Variants in PCDHGB1 observed in about 807,000 individuals in gnomAD.
PCDHGB1 encodes protocadherin gamma subfamily B, 1.
In PCDHGB1, 34 loss-of-function variants were observed where a neutral mutation model predicts 56.6. The observed-to-expected ratio is 0.60, with a 90% CI of 0.46 to 0.80. The LOEUF is 0.80. Among genes scored for constraint, PCDHGB1 ranks in the 30% least tolerant of loss-of-function variants. The probability of loss-of-function intolerance (pLI) is 0.00; values close to 1 mark genes in which losing one functional copy is unlikely to be tolerated. For missense variants in PCDHGB1, 1,278 were observed against 1,204.6 expected, an observed-to-expected ratio of 1.06 and a Z score of -0.90; for synonymous variants, 561 against 505.9, an observed-to-expected ratio of 1.11 and a Z score of -1.46.
intron 1 of PCDHGB1, among the ~76,000 whole-genome samples, chr5:141,455,253 C>T (rs187877877): frequency 6.6e-6 from 1 of 151,986 alleles, no homozygotes; most frequent in East Asian, 1.9e-4. Flanking sequence ...ATAGTACAAT[C>T]GCATTTCTTC....
intron 2 of PCDHGB1, among the ~76,000 whole-genome samples, chr5:141,499,885 G>A (rs945162089): frequency 2.6e-5 from 4 of 151,850 alleles, no homozygotes; most frequent in Non-Finnish European, 4.4e-5. Flanking sequence ...ACAGGGTTTC[G>A]CCATGTTGGC....
chr5:141,427,742 C>T, intron 1 of PCDHGB1: 2 of 1,247,208 alleles, frequency 1.6e-6, no homozygotes, highest in Non-Finnish European at 2.3e-6. Context: ...GCCAAGTCTC[C>T]TACTCCATCG....
chr5:141,360,186 G>A, intron 1 of PCDHGB1: 2 of 1,611,332 alleles, frequency 1.2e-6, no homozygotes, highest in Admixed American at 3.4e-5. Flanking sequence ...TGCAGGTACT[G>A]TTGCCCTTCC....
intron 1 of PCDHGB1, chr5:141,421,025 A>G: frequency 5.7e-6 from 3 of 526,286 alleles, no homozygotes; most frequent in East Asian, 3.2e-5. Context: ...GCTGCGCGCC[A>G]TTGAGTCCCT....
chr5:141,482,109 C>G (rs972542276), intron 1 of PCDHGB1, among the ~76,000 whole-genome samples: 2 of 149,582 alleles, frequency 1.3e-5, no homozygotes, highest in African/African-American at 2.5e-5. Context: ...AAAAAAATAT[C>G]TAGAGATGGG....
At chr5:141,390,407 G>A in intron 1 of PCDHGB1, 1 of 1,265,446 alleles carries the variant, frequency 7.9e-7, no homozygotes, top group Non-Finnish European at 1.1e-6. Flanking sequence ...TAGGAAAGTT[G>A]TAGTCAGTTA....
intron 1 of PCDHGB1, chr5:141,415,428 G>C (rs948747218): frequency 1.2e-6 from 2 of 1,614,088 alleles, no homozygotes; most frequent in Non-Finnish European, 1.7e-6. Context: ...ACGGGGTTCG[G>C]GCTTTCCTGC....
At chr5:141,440,982 A>G (rs940098060) in intron 1 of PCDHGB1, 4 of 152,234 alleles carry the variant, frequency 2.6e-5, no homozygotes, top group Non-Finnish European at 5.9e-5. Context: ...TTCACAACCC[A>G]GAGTACCCAT....
chr5:141,433,357 G>GCCTA, intron 1 of PCDHGB1: 1 of 569,056 alleles, frequency 1.8e-6, no homozygotes, highest in Non-Finnish European at 3.1e-6. Context: ...CCTACTGTCT[G>GCCTA]CCTATCTATC....
At chr5:141,366,854 C>T (rs1018356495) in intron 1 of PCDHGB1, 3 of 1,453,352 alleles carry the variant, frequency 2.1e-6, no homozygotes, top group Non-Finnish European at 2.8e-6. Flanking sequence ...AATAGTGGAA[C>T]ATTATTTGCT....
intron 1 of PCDHGB1, chr5:141,385,087 G>C: frequency 6.2e-7 from 1 of 1,614,234 alleles, no homozygotes; most frequent in Non-Finnish European, 8.5e-7. Flanking sequence ...GGCTTCAGAA[G>C]GTGGCTTGGC....
chr5:141,510,910 A>C (rs780792326), intron 3 of PCDHGB1, 37 bp from the exon 4 acceptor site: 4 of 1,613,740 alleles, frequency 2.5e-6, no homozygotes, highest in Admixed American at 3.3e-5. Flanking sequence ...GAGGACCCTA[A>C]GTTTAGCTCC....
At chr5:141,451,807 G>A (rs896081470) in intron 1 of PCDHGB1, among the ~76,000 whole-genome samples, 5 of 150,778 alleles carry the variant, frequency 3.3e-5, no homozygotes, top group African/African-American at 1.2e-4. Flanking sequence ...CTTGAACCCA[G>A]GAGGCGGAGG....
At chr5:141,404,615 C>T in intron 1 of PCDHGB1, 5 of 1,614,122 alleles carry the variant, frequency 3.1e-6, no homozygotes, top group Non-Finnish European at 4.2e-6. Flanking sequence ...TGTTTTGGAC[C>T]AGAATGACAA....
intron 1 of PCDHGB1, chr5:141,360,857 T>C (rs765284863): frequency 6.2e-7 from 1 of 1,613,894 alleles, no homozygotes; most frequent in Non-Finnish European, 8.5e-7. Flanking sequence ...AACCCTCCAG[T>C]GTTCAGCCAG....
At chr5:141,501,755 G>C (rs2099810889) in intron 2 of PCDHGB1, among the ~76,000 whole-genome samples, 1 of 152,116 alleles carries the variant, frequency 6.6e-6, no homozygotes, top group Non-Finnish European at 1.5e-5. Context: ...GAAGCTCTCA[G>C]TAAATGGTTA....
chr5:141,475,955 C>A, intron 1 of PCDHGB1: 1 of 800,218 alleles, frequency 1.2e-6, no homozygotes, highest in Non-Finnish European at 1.9e-6. Flanking sequence ...TTCTGCGCCC[C>A]GGGATGAGGC....
intron 1 of PCDHGB1, chr5:141,400,747 G>A: frequency 1.7e-6 from 1 of 602,780 alleles, no homozygotes; most frequent in Non-Finnish European, 2.9e-6. Flanking sequence ...TTTGCTCTTA[G>A]CTTCCTCTCT....
At chr5:141,438,091 C>T (rs964466012) in intron 1 of PCDHGB1, among the ~76,000 whole-genome samples, 1 of 152,098 alleles carries the variant, frequency 6.6e-6, no homozygotes, top group Admixed American at 6.6e-5. Flanking sequence ...TTACCAGTAA[C>T]AGGGCATACT....
Sources: allele counts gnomAD v4.1 joint callset (sites outside exome capture counted in the v4.1 genomes callset), GRCh38; gene constraint gnomAD v4.1.1; transcripts MANE v1.5; gene names NCBI Gene and HGNC (gene_info 2026-07-23, HGNC 2026-07-21).